The following PIWIL1 variants were observed in gnomAD, a reference collection of about 807,000 sequenced individuals.
PIWIL1 encodes piwi-like protein 1.
Under a neutral mutation model 114.4 loss-of-function variants are expected in PIWIL1, and 73 were observed. The ratio of observed to expected loss-of-function variants is 0.64; its 90% CI spans 0.53 to 0.78. PIWIL1 has a LOEUF of 0.78. Among genes scored for constraint, PIWIL1 ranks in the 30% least tolerant of loss-of-function variants. The pLI is 0.00. For synonymous variants in PIWIL1, 375 were observed against 369.0 expected (o/e 1.02, Z -0.19); for missense variants, 723 against 1,063.1 (o/e 0.68, Z 4.45).
the PIWIL1 span, among the ~76,000 whole-genome samples, chr12:130,409,332 C>CTTTTT: frequency 1.8e-3 from 115 of 65,402 alleles, 20 homozygotes; most frequent in Middle Eastern, 0.015. Flanking sequence ...CAAAATGTAG[C>CTTTTT]TTTTTTTTTT....
the PIWIL1 span, among the ~76,000 whole-genome samples, chr12:130,379,634 A>C: frequency 6.0e-5 from 2 of 33,528 alleles, no homozygotes; most frequent in South Asian, 1.3e-3. Flanking sequence ...CCAAGCATTG[A>C]CAGTTCCTTC....
In PIWIL1 at chr12:130,346,970, T is replaced by C. The variant is rs777129788; in HGVS notation, c.561T>C (p.Asn187=). 6.8e-6 allele frequency: 11 copies of C among 1,613,460 alleles called. No individual in the cohort carries two copies. The highest frequency in any genetic ancestry group is 9.3e-6 in the Non-Finnish European group (11 of 1,179,726). The part of the protein sequence containing the change: ...KVTEVFSKTR[N]GEDVRITITL... ...CTGAAGTTTTTAGTAAGACCCGGAA[T>C]GGAGAGGATGTGAGGATAACGATCA... is the stretch of plus-strand genomic sequence containing the variant. The change falls in exon 6 of 21, where the codon AAT becomes AAC. Residue 187 remains asparagine (N), a synonymous_variant. Coordinates refer to ENST00000245255, the MANE Select transcript of PIWIL1 (RefSeq NM_004764.5).
At chr12:130,393,484 G>A in the PIWIL1 span, among the ~76,000 whole-genome samples, 48 of 116,270 alleles carry the variant, frequency 4.1e-4, 1 homozygote, top group Non-Finnish European at 7.3e-4. Flanking sequence ...GTTACCTGGT[G>A]AATACTGAAT....
chr12:130,358,450 G>C (rs2073424071), intron 14 of PIWIL1, among the ~76,000 whole-genome samples: 1 of 152,094 alleles, frequency 6.6e-6, no homozygotes, highest in African/African-American at 2.4e-5. Flanking sequence ...AGTGCTTCTG[G>C]CTTTATTTCC....
rs761245848 is a variant in PIWIL1, at chr12:130,348,113, A to T, written c.664A>T (p.Ile222Phe). ...CCTTTCCATTTCTAGGCTTTTGAAA[A>T]TCATGAATTTGCAACAAATTGGACG... is the stretch of plus-strand genomic sequence containing the variant. ...YNIIFRRLLK[I>F]MNLQQIGRNY... The change falls in exon 7 of 21, where the codon ATC (isoleucine) becomes TTC (phenylalanine). Residue 222 changes from isoleucine (I) to phenylalanine (F), a missense_variant. Around this residue, in one of 8 missense-constraint regions of PIWIL1, gnomAD observed 190 missense variants for 294.4 expected, o/e 0.65. Coordinates refer to ENST00000245255, the MANE Select transcript of PIWIL1 (RefSeq NM_004764.5). The T allele has an allele frequency of 3.1e-6, 5 of 1,599,308 alleles. No homozygotes were observed. Among genetic ancestry groups the T allele is most frequent in the Non-Finnish European group, 4.3e-6 (5 of 1,167,484 alleles).
At chr12:130,393,369 T>C in the PIWIL1 span, among the ~76,000 whole-genome samples, 93 of 140,128 alleles carry the variant, frequency 6.6e-4, no homozygotes, top group East Asian at 1.6e-3. Context: ...CTGGTGCATA[T>C]TGAATGTTGT....
the PIWIL1 span, chr12:130,425,153 G>A: frequency 2.0e-4 from 58 of 294,390 alleles, no homozygotes; most frequent in South Asian, 3.3e-4. Context: ...AGATCCCGGC[G>A]GCACATCAGG....
chr12:130,392,919 GTC>G, the PIWIL1 span, among the ~76,000 whole-genome samples: 7 of 124,024 alleles, frequency 5.6e-5, no homozygotes, highest in Admixed American at 1.5e-4. Flanking sequence ...GTCATCACGT[GTC>G]TGTCAGTTAC....
At position 130,371,221 on chromosome 12, in the gene PIWIL1, T is replaced by G. The variant is rs750951690; in HGVS notation, c.2367T>G (p.Val789=). The change falls in exon 20 of 21, where the codon GTT becomes GTG. Residue 789 remains valine, a synonymous_variant. Coordinates refer to ENST00000245255, the MANE Select transcript of PIWIL1 (RefSeq NM_004764.5). ...GCCAGGCTGTGAGAAGTGGTAGTGT[T>G]TCTCCCACACATTACAATGTCATCT... ...IVSQAVRSGS[V]SPTHYNVIYD... is the part of the protein sequence containing the mutation. The G allele has an allele frequency of 1.9e-6, 3 of 1,614,210 alleles. No individual in the cohort carries two copies. The highest frequency in any genetic ancestry group is 2.2e-5 in the East Asian group (1 of 44,886).
downstream of PIWIL1, among the ~76,000 whole-genome samples, chr12:130,372,915 G>A (rs1402563488): frequency 5.3e-5 from 8 of 152,196 alleles, no homozygotes; most frequent in South Asian, 2.1e-4. Context: ...AATGTGATGA[G>A]TGTAAGCTTT....
the PIWIL1 span, among the ~76,000 whole-genome samples, chr12:130,411,586 A>G: frequency 6.6e-6 from 1 of 152,214 alleles, no homozygotes; most frequent in Non-Finnish European, 1.5e-5. Context: ...AAATCAAGTT[A>G]CCGTTCCTTA....
At chr12:130,355,929 C>T (rs1041654213) in intron 12 of PIWIL1, among the ~76,000 whole-genome samples, 3 of 152,122 alleles carry the variant, frequency 2.0e-5, no homozygotes, top group East Asian at 1.9e-4. Context: ...ATGAACAGCC[C>T]GGGACCTCAG....
intron 14 of PIWIL1, among the ~76,000 whole-genome samples, chr12:130,360,717 T>A (rs1222344833): frequency 6.6e-6 from 1 of 152,166 alleles, no homozygotes; most frequent in South Asian, 2.1e-4. Flanking sequence ...AGGCGCTCTG[T>A]TTTGTCCCCA....
the PIWIL1 span, chr12:130,424,748 G>T: frequency 8.1e-7 from 1 of 1,232,288 alleles, no homozygotes; most frequent in Admixed American, 4.2e-5. This position sits in a 1 kb window ranked among gnomAD's most constrained non-coding sequence, Gnocchi z 9.8. Flanking sequence ...AGCACTCTCC[G>T]TCCTCTTCCG....
At chr12:130,391,573 C>G in the PIWIL1 span, among the ~76,000 whole-genome samples, 1 of 152,124 alleles carries the variant, frequency 6.6e-6, no homozygotes, top group Admixed American at 6.5e-5. Flanking sequence ...TGTATGGTTA[C>G]TTACATGTGT....
chr12:130,414,106 G>T, the PIWIL1 span: 656 of 1,613,422 alleles, frequency 4.1e-4, no homozygotes, highest in Non-Finnish European at 5.2e-4. Context: ...GAAGCCGCCC[G>T]CAGGCAGCCA....
At chr12:130,352,858 T>C (rs988908026) in intron 9 of PIWIL1, among the ~76,000 whole-genome samples, 42 of 152,136 alleles carry the variant, frequency 2.8e-4, no homozygotes, top group African/African-American at 9.7e-4. Flanking sequence ...TGCAAGTCAG[T>C]GATGTGGTGT....
intron 10 of PIWIL1, 90 bp downstream of exon 10, chr12:130,354,753 C>A: frequency 1.3e-6 from 2 of 1,490,914 alleles, no homozygotes; most frequent in Non-Finnish European, 1.8e-6. Context: ...ACTTCCCCTT[C>A]CCTCCCCCCA....
chr12:130,342,407 T>C, intron 1 of PIWIL1, 173 bp from the exon 2 acceptor site: 1 of 606,816 alleles, frequency 1.6e-6, no homozygotes, highest in Non-Finnish European at 3.0e-6. Flanking sequence ...CTGAGTTTGT[T>C]GAATGTAGGA....
Sources: allele counts gnomAD v4.1 joint callset (sites outside exome capture counted in the v4.1 genomes callset), GRCh38; gene constraint gnomAD v4.1.1; regional missense constraint gnomAD v4.1.1; non-coding constraint Gnocchi (gnomAD v3.1); transcripts MANE v1.5; gene names NCBI Gene and HGNC (gene_info 2026-07-23, HGNC 2026-07-21).